ADAM17: variants seen among roughly 807,000 people sequenced by gnomAD.
ADAM17 encodes the protein ADAM metallopeptidase domain 17.
A neutral mutation model predicts 96.7 loss-of-function variants in ADAM17; 39 were observed. That is an observed-to-expected ratio of 0.40 (90% CI 0.31 to 0.53). The LOEUF (loss-of-function observed/expected upper bound fraction) is 0.53. ADAM17 is among the 20% of genes least tolerant of loss of function. The pLI is 0.44. For synonymous variants in ADAM17, 344 were observed against 359.2 expected (o/e 0.96, Z 0.48); for missense variants, 777 against 1,013.2 (o/e 0.77, Z 3.17).
At chr2:9,516,222 T>G (rs1343161747) in intron 10 of ADAM17, among the ~76,000 whole-genome samples, 55 of 152,276 alleles carry the variant, frequency 3.6e-4, no homozygotes, top group Non-Finnish European at 7.3e-5. Flanking sequence ...ATTTTAACAG[T>G]TCTTTATACA....
At chr2:9,544,967 G>A (rs1665353577) in intron 1 of ADAM17, among the ~76,000 whole-genome samples, 1 of 152,144 alleles carries the variant, frequency 6.6e-6, no homozygotes, top group Non-Finnish European at 1.5e-5. Flanking sequence ...AATGCAATAT[G>A]GTCCTTTAGT....
intron 3 of ADAM17, 59 bp downstream of exon 3, chr2:9,536,639 T>C: frequency 6.3e-7 from 1 of 1,597,104 alleles, no homozygotes; most frequent in Non-Finnish European, 8.5e-7. Flanking sequence ...TGCAATCAAG[T>C]TAGATTTGGA....
Position 9,542,441 on chromosome 2 carries a change from T to C in ADAM17, c.230+712A>G, listed in dbSNP as rs1487656326. Among the ~76,000 whole-genome samples, 14 of 152,244 alleles carry C rather than the reference T, an allele frequency of 9.2e-5. 1 individual carries two copies. The South Asian group carries it at 2.1e-3, about 23-fold the overall frequency. Reference sequence around the variant, plus strand: ...CTAAGTAACTAGTTAGCTAAATAAATAAATAGAACAGTAAAATCTAGACCC... The same window carrying C: ...CTAAGTAACTAGTTAGCTAAATAAACAAATAGAACAGTAAAATCTAGACCC... On this transcript the variant is annotated intron_variant, in intron 2 of 18. Coordinates refer to ENST00000310823, the MANE Select transcript of ADAM17 (RefSeq NM_003183.6).
At chr2:9,549,935 C>T (rs1665530383) in intron 1 of ADAM17, among the ~76,000 whole-genome samples, 1 of 152,184 alleles carries the variant, frequency 6.6e-6, no homozygotes, top group South Asian at 2.1e-4. Context: ...CACTGCTCTG[C>T]TGCATGAAGT....
At chr2:9,553,341 C>T (rs182022893) in intron 1 of ADAM17, among the ~76,000 whole-genome samples, 34 of 151,260 alleles carry the variant, frequency 2.2e-4, no homozygotes, top group South Asian at 2.1e-3. Context: ...TCCAATGCCA[C>T]GTATAATACT....
Position 9,555,822 on chromosome 2 carries a change from G to T in ADAM17, c.-217C>A, listed in dbSNP as rs1435946946. 6.9e-6 allele frequency: 3 copies of T among 431,752 alleles called. No homozygotes were observed. Among genetic ancestry groups the T allele is most frequent in the Non-Finnish European group, 1.2e-5 (3 of 244,790 alleles). 26.7% of individuals were successfully genotyped at this position (431,752 alleles called of 1,614,324 possible). A position where few individuals can be genotyped will look rare whatever the true frequency, so the allele number is the denominator to read the frequency against. On this transcript the variant is annotated 5_prime_UTR_variant, in exon 1 of 19. Transcript: ENST00000310823. ...CAAAGGCCGGCTCAGCCAGCTTCCG[G>T]CCGCCGCTGTCCCCCGCACCACCCA...
intron 8 of ADAM17, among the ~76,000 whole-genome samples, chr2:9,520,917 T>A: frequency 1.7e-5 from 2 of 117,146 alleles, no homozygotes; most frequent in East Asian, 4.7e-4. Flanking sequence ...TGAGCCAAGA[T>A]CACGCCATTG....
intron 1 of ADAM17, among the ~76,000 whole-genome samples, chr2:9,548,119 G>A (rs2125044024): frequency 6.6e-6 from 1 of 151,374 alleles, no homozygotes; most frequent in Middle Eastern, 3.4e-3. Context: ...GATCACTTGA[G>A]GTCAGGAGTT....
intron 13 of ADAM17, among the ~76,000 whole-genome samples, chr2:9,497,450 T>C (rs2124977530): frequency 1.3e-5 from 2 of 152,358 alleles, no homozygotes; most frequent in East Asian, 3.9e-4. Context: ...CAGGCTAGGC[T>C]GCATGAGTCC....
At chr2:9,503,383 T>C (rs1179948062) in intron 12 of ADAM17, among the ~76,000 whole-genome samples, 2 of 152,228 alleles carry the variant, frequency 1.3e-5, no homozygotes, top group Non-Finnish European at 2.9e-5. Context: ...TTCTAACTTG[T>C]AACCTACTTC....
chr2:9,531,539 C>T (rs1404623570), intron 4 of ADAM17, among the ~76,000 whole-genome samples: 1 of 151,636 alleles, frequency 6.6e-6, no homozygotes, highest in Non-Finnish European at 1.5e-5. Flanking sequence ...CTGTCTCTAC[C>T]AAAAATATAA....
chr2:9,547,453 G>C (rs1174018857), intron 1 of ADAM17, among the ~76,000 whole-genome samples: 1 of 152,172 alleles, frequency 6.6e-6, no homozygotes, highest in Admixed American at 6.5e-5. Context: ...ATCCCTGCCT[G>C]CTGAGTCAAA....
chr2:9,514,518 AATATATATATATATATATATATATATAT>A lies in ADAM17; in HGVS notation c.1191+3355_1191+3382del, dbSNP rs70948826. On this transcript the variant is annotated intron_variant, in intron 10 of 18. Transcript: ENST00000310823. ...TCCTAGAACTTAAATTTAAAATATA[AATATATATATATATATATATATATATAT>A]ATATATATATATATATATATATAAA... 3.7e-4 allele frequency among the ~76,000 whole-genome samples: 33 copies of A among 89,852 alleles called. 1 individual carries two copies. The highest frequency in any genetic ancestry group is 3.2e-3 in the East Asian group (6 of 1,888). 58.9% of individuals were successfully genotyped at this position (89,852 alleles called of 152,430 possible). A position where few individuals can be genotyped will look rare whatever the true frequency, so the allele number is the denominator to read the frequency against.
Position 9,505,217 on chromosome 2 carries a change from T to C in ADAM17, c.1493A>G (p.Asn498Ser). ...GCAGTCGCTGTTGCAGCAGGTGTCG[T>C]TGTTCAGATACATGATGCCAGGATC... is the stretch of plus-strand genomic sequence containing the variant. ...ECDPGIMYLNNDTCCNSDCTL... is the reference protein window; with the variant it reads ...ECDPGIMYLNSDTCCNSDCTL... The change falls in exon 12 of 19, where the codon AAC becomes AGC. Residue 498 changes from asparagine (N) to serine (S), a missense_variant. This residue lies in a region of ADAM17 where 446 missense variants were observed against 664.7 expected (regional missense o/e 0.67). Coordinates refer to ENST00000310823, the MANE Select transcript of ADAM17 (RefSeq NM_003183.6). 1 of 1,614,158 alleles carries C rather than the reference T, an allele frequency of 6.2e-7. No individual in the cohort carries two copies. The highest frequency in any genetic ancestry group is 1.1e-5 in the South Asian group (1 of 91,080).
intron 3 of ADAM17, 27 bp downstream of exon 3, chr2:9,536,671 G>A: frequency 6.2e-7 from 1 of 1,612,464 alleles, no homozygotes; most frequent in South Asian, 1.1e-5. Flanking sequence ...CCAGACACAG[G>A]GGCAAACCAA....
chr2:9,524,979 T>G (rs1435020355), intron 6 of ADAM17, among the ~76,000 whole-genome samples: 1 of 152,192 alleles, frequency 6.6e-6, no homozygotes, highest in Non-Finnish European at 1.5e-5. Flanking sequence ...TAAGACTAGA[T>G]CTCTCATTAT....
At position 9,517,880 on chromosome 2, in the gene ADAM17, TTTAGAAATAAAAG is replaced by T. The variant is rs780855948; in HGVS notation, c.1191+8_1191+20del. ...CTACAATAAACTCTAACACTATTCT[TTTAGAAATAAAAG>T]AACATACCTTTGTAAGGATGGTTTT... On this transcript the variant is annotated splice_region_variant and intron_variant, in intron 10 of 18. Transcript: ENST00000310823. 5.4e-5 allele frequency: 82 copies of T among 1,509,204 alleles called. No individual in the cohort carries two copies. The highest frequency in any genetic ancestry group is 7.1e-5 in the Non-Finnish European group (79 of 1,119,012). The allele number at this position is 1,509,204 out of a possible 1,614,324, so 93.5% of individuals were successfully genotyped here. A position where few individuals can be genotyped will look rare whatever the true frequency, so the allele number is the denominator to read the frequency against.
chr2:9,490,738 C>T (rs1299276800), intron 18 of ADAM17, among the ~76,000 whole-genome samples: 2 of 152,158 alleles, frequency 1.3e-5, no homozygotes, highest in Non-Finnish European at 2.9e-5. Context: ...ACAGTAATTA[C>T]TAGCTTTCAA....
chr2:9,530,379 G>C (rs1664690406), intron 4 of ADAM17, among the ~76,000 whole-genome samples: 1 of 152,114 alleles, frequency 6.6e-6, no homozygotes, highest in Admixed American at 6.5e-5. Flanking sequence ...ATGTGCCTTG[G>C]ACAAGTACCC....
Sources: allele counts gnomAD v4.1 joint callset (sites outside exome capture counted in the v4.1 genomes callset), GRCh38; gene constraint gnomAD v4.1.1; regional missense constraint gnomAD v4.1.1; transcripts MANE v1.5; gene names NCBI Gene and HGNC (gene_info 2026-07-23, HGNC 2026-07-21).